Variants in PACS2 observed in about 807,000 individuals in gnomAD.
The protein encoded by PACS2 is phosphofurin acidic cluster sorting protein 2.
A neutral mutation model predicts 113.0 loss-of-function variants in PACS2; 36 were observed. The ratio of observed to expected loss-of-function variants is 0.32; its 90% CI spans 0.24 to 0.42. The LOEUF is 0.42. Among genes scored for constraint, PACS2 ranks in the 10% least tolerant of loss-of-function variants. The pLI is 1.00. For synonymous variants in PACS2, 589 were observed against 536.1 expected (o/e 1.10, Z -1.36); for missense variants, 1,015 against 1,239.5 (o/e 0.82, Z 2.72).
rs1488111115 is a variant in PACS2, at chr14:105,315,070, G to C, written c.119+33G>C. On this transcript the variant is annotated intron_variant, in intron 1 of 24. Coordinates refer to ENST00000447393, the MANE Select transcript of PACS2 (RefSeq NM_001100913.3). The surrounding 1 kb of genome is among the most constrained non-coding windows in gnomAD (Gnocchi z 4.4). Reference sequence around the variant, plus strand: ...CCGCCCGCCGCGCTTTGTTCCCGCCGGGCACCTGCTGGGGGTGTCCTGGCC... The same window carrying C: ...CCGCCCGCCGCGCTTTGTTCCCGCCCGGCACCTGCTGGGGGTGTCCTGGCC... The C allele has an allele frequency of 1.8e-6, 2 of 1,127,496 alleles. No homozygotes were observed. The highest frequency in any genetic ancestry group is 2.2e-6 in the Non-Finnish European group (2 of 913,758). 69.8% of individuals were successfully genotyped at this position (1,127,496 alleles called of 1,614,324 possible). A position where few individuals can be genotyped will look rare whatever the true frequency, so the allele number is the denominator to read the frequency against.
intron 1 of PACS2, among the ~76,000 whole-genome samples, chr14:105,326,448 G>C (rs587771205): frequency 6.6e-6 from 1 of 152,360 alleles, no homozygotes; most frequent in East Asian, 1.9e-4. Flanking sequence ...AGTCCCTCGG[G>C]GCCAGGCCTT....
intron 1 of PACS2, among the ~76,000 whole-genome samples, chr14:105,321,329 TC>T (rs112570693): frequency 0.12 from 17,491 of 152,048 alleles, 3,411 homozygotes; most frequent in African/African-American, 0.4. Flanking sequence ...AATAGATTGG[TC>T]CGGGTTTTCT....
At chr14:105,333,128 TACACGTGCAC>T (rs2059367709) in intron 1 of PACS2, among the ~76,000 whole-genome samples, 1 of 152,058 alleles carries the variant, frequency 6.6e-6, no homozygotes, top group South Asian at 2.1e-4. Context: ...CTCAGGCACA[TACACGTGCAC>T]ACACACACCC....
intron 11 of PACS2, 144 bp downstream of exon 11, chr14:105,380,298 G>T: frequency 2.8e-6 from 2 of 702,142 alleles, no homozygotes; most frequent in Non-Finnish European, 4.7e-6. Context: ...GCCCTCAGGG[G>T]TGGCCAGGCT....
Position 105,394,801 on chromosome 14 carries a change from G to A in PACS2, c.*129G>A. The A allele has an allele frequency of 1.4e-6, 1 of 708,020 alleles. No homozygotes were observed. The highest frequency in any genetic ancestry group is 2.5e-6 in the Non-Finnish European group (1 of 392,834). 43.9% of individuals were successfully genotyped at this position (708,020 alleles called of 1,614,324 possible). A position where few individuals can be genotyped will look rare whatever the true frequency, so the allele number is the denominator to read the frequency against. ...AAGAGAAACAGTCTTAAGTATGAAT[G>A]TGCTCACAACGTGGAAACTAACGGG... On this transcript the variant is annotated 3_prime_UTR_variant, in exon 25 of 25. Transcript: ENST00000447393.
At chr14:105,361,731 CCT>C (rs2060690148) in intron 4 of PACS2, among the ~76,000 whole-genome samples, 1 of 152,232 alleles carries the variant, frequency 6.6e-6, no homozygotes, top group Non-Finnish European at 1.5e-5. Context: ...GGGCAGGTCA[CCT>C]GAGGTCGGGA....
At chr14:105,344,825 C>G (rs1185144422) in intron 1 of PACS2, among the ~76,000 whole-genome samples, 2 of 152,136 alleles carry the variant, frequency 1.3e-5, no homozygotes, top group South Asian at 2.1e-4. Flanking sequence ...TAAGATGGAA[C>G]CTTAGGGCTG....
At chr14:105,380,920 TTCCACGGGAGGC>T (rs2080968946) in intron 11 of PACS2, 25 bp from the exon 12 acceptor site, 1 of 1,581,366 alleles carries the variant, frequency 6.3e-7, no homozygotes, top group Non-Finnish European at 8.6e-7. Context: ...CGGGTGTGGT[TTCCACGGGAGGC>T]TCCAGGCCCG....
intron 4 of PACS2, among the ~76,000 whole-genome samples, chr14:105,362,187 G>A (rs961644456): frequency 7.9e-5 from 12 of 151,800 alleles, no homozygotes; most frequent in Admixed American, 1.3e-4. Context: ...GGGAGGCCAC[G>A]GTGGGCGGAT....
intron 1 of PACS2, among the ~76,000 whole-genome samples, chr14:105,334,356 G>A (rs2059421010): frequency 6.6e-6 from 1 of 152,228 alleles, no homozygotes; most frequent in Middle Eastern, 3.2e-3. Context: ...CCCACCTTGA[G>A]GCTGACGCAG....
intron 9 of PACS2, 96 bp downstream of exon 9, chr14:105,377,021 C>T (rs587678048): frequency 1.6e-5 from 22 of 1,334,994 alleles, no homozygotes; most frequent in East Asian, 1.0e-4. Flanking sequence ...GCCCTGGAGA[C>T]GGGGTGGGCA....
At chr14:105,327,543 G>A (rs1353338996) in intron 1 of PACS2, among the ~76,000 whole-genome samples, 3 of 152,158 alleles carry the variant, frequency 2.0e-5, no homozygotes, top group South Asian at 4.1e-4. Flanking sequence ...GGTGTCTGCC[G>A]CTAGCGCTCG....
chr14:105,391,078 C>T, intron 20 of PACS2, 129 bp from the exon 21 acceptor site: 3 of 707,844 alleles, frequency 4.2e-6, no homozygotes, highest in Non-Finnish European at 5.1e-6. Flanking sequence ...CAGGAGGGAG[C>T]TGGCACCACC....
chr14:105,379,652 C>T lies in PACS2; in HGVS notation c.960-87C>T, dbSNP rs2080909959. The T allele has an allele frequency of 4.6e-6, 5 of 1,081,596 alleles. No homozygotes were observed. The Admixed American group carries it at 7.1e-5, about 15-fold the overall frequency. The allele number at this position is 1,081,596 out of a possible 1,614,324, so 67.0% of individuals were successfully genotyped here. A position where few individuals can be genotyped will look rare whatever the true frequency, so the allele number is the denominator to read the frequency against. ...CTGCCGTTGGATTCTGCAGTCTGTC[C>T]CTCCAGGTGTGGTGGGAGAACTGCG... On this transcript the variant is annotated intron_variant, in intron 9 of 24. Coordinates refer to ENST00000447393, the MANE Select transcript of PACS2 (RefSeq NM_001100913.3).
At chr14:105,382,716 T>C (rs1324346560) in intron 14 of PACS2, 91 bp from the exon 15 acceptor site, 2 of 966,622 alleles carry the variant, frequency 2.1e-6, no homozygotes, top group East Asian at 2.5e-5. Flanking sequence ...GCCTGGGGTC[T>C]CTGGAGCCCC....
At chr14:105,383,574 A>ATGGAGTGGTG in intron 16 of PACS2, 61 bp downstream of exon 16, 2 of 1,495,822 alleles carry the variant, frequency 1.3e-6, no homozygotes, top group Non-Finnish European at 1.8e-6. Context: ...GTGGCGTGGC[A>ATGGAGTGGTG]TGGAGTGGTG....
chr14:105,352,973 C>T (rs1447310300), intron 3 of PACS2, among the ~76,000 whole-genome samples: 6 of 118,284 alleles, frequency 5.1e-5, no homozygotes, highest in Non-Finnish European at 1.1e-4. Context: ...GGGCACCCCT[C>T]ATCACTGTCC....
At position 105,348,505 on chromosome 14, in the gene PACS2, G is replaced by T; in HGVS notation, c.132G>T (p.Leu44=). Residue 44 remains leucine (L), a synonymous_variant, in exon 2 of 25, where the codon CTG becomes CTT. Transcript: ENST00000447393. The surrounding 1 kb of genome is among the most constrained non-coding windows in gnomAD (Gnocchi z 6.4). ...SPSCVPRLCS[L]TLKKLVVFKE... ...CCTTGCCTCACAGGTTGTGCAGCCT[G>T]ACTCTGAAGAAGCTGGTGGTCTTCA... is the stretch of plus-strand genomic sequence containing the variant. 6.2e-7 allele frequency: 1 copy of T among 1,612,042 alleles called. No homozygotes were observed. Among genetic ancestry groups the T allele is most frequent in the South Asian group, 1.1e-5 (1 of 91,046 alleles).
intron 1 of PACS2, among the ~76,000 whole-genome samples, chr14:105,307,053 T>C (rs1595519132): frequency 1.4e-5 from 2 of 147,426 alleles, no homozygotes; most frequent in East Asian, 3.9e-4. Context: ...TCTTTTTTTC[T>C]TTTTTTTTTG....
Sources: gnomAD v4.1 joint callset for allele counts (sites outside exome capture counted in the v4.1 genomes callset) on GRCh38, gnomAD v4.1.1 for gene constraint, Gnocchi (gnomAD v3.1) non-coding constraint, MANE v1.5 for transcripts, NCBI Gene and HGNC (gene_info 2026-07-23, HGNC 2026-07-21) for gene names.